DLG2: variants seen among roughly 807,000 people sequenced by gnomAD.
The protein encoded by DLG2 is discs large MAGUK scaffold protein 2.
Under a neutral mutation model 132.5 loss-of-function variants are expected in DLG2, and 45 were observed. That is an observed-to-expected ratio of 0.34 (90% confidence interval 0.27 to 0.44). The LOEUF (loss-of-function observed/expected upper bound fraction) is 0.44. DLG2 is among the 20% of genes least tolerant of loss of function. The pLI, the probability that DLG2 is intolerant of heterozygous loss-of-function variation, is 1.00. For missense variants in DLG2, 1,045 were observed against 1,196.9 expected (o/e 0.87, Z 1.87); for synonymous variants, 424 against 419.6 (o/e 1.01, Z -0.13).
At chr11:83,867,700 TA>T in intron 16 of DLG2, among the ~76,000 whole-genome samples, 1 of 152,312 alleles carries the variant, frequency 6.6e-6, no homozygotes, top group Admixed American at 6.5e-5. Context: ...TTTGTTTATG[TA>T]TTTATTTATT....
chr11:85,446,787 T>C lies in DLG2; in HGVS notation c.40+151870A>G, dbSNP rs564241816. ...GTGACAACTCCAGTTTGAAGGGATA[T>C]AGTATATGTGTGTGTGTGTGTGTGT... On this transcript the variant is annotated intron_variant, in intron 3 of 27. Coordinates refer to ENST00000376104, the MANE Select transcript of DLG2 (RefSeq NM_001142699.3). Among the ~76,000 whole-genome samples the C allele has an allele frequency of 6.0e-5, 9 of 149,074 alleles. No individual in the cohort carries two copies. The East Asian group carries it at 1.2e-3, about 19-fold the overall frequency.
chr11:85,343,813 G>A (rs926646855), intron 3 of DLG2, among the ~76,000 whole-genome samples: 6 of 152,182 alleles, frequency 3.9e-5, no homozygotes, highest in African/African-American at 1.2e-4. Context: ...TGATTATACA[G>A]TGTAAATGTT....
At chr11:85,177,491 A>G (rs1403549851) in intron 4 of DLG2, among the ~76,000 whole-genome samples, 1 of 152,030 alleles carries the variant, frequency 6.6e-6, no homozygotes, top group Non-Finnish European at 1.5e-5. Flanking sequence ...GGACACATGC[A>G]GGGGAACAAC....
At chr11:84,480,832 G>A (rs749361238) in intron 7 of DLG2, among the ~76,000 whole-genome samples, 9 of 148,122 alleles carry the variant, frequency 6.1e-5, no homozygotes, top group Non-Finnish European at 8.9e-5. Context: ...CTCACCTCCC[G>A]GGTTCAAGCG....
chr11:84,817,784 T>C (rs977507859), intron 6 of DLG2, among the ~76,000 whole-genome samples: 1 of 151,976 alleles, frequency 6.6e-6, no homozygotes, highest in Non-Finnish European at 1.5e-5. Context: ...AATCATCTCC[T>C]GCTTAGATGG....
intron 9 of DLG2, among the ~76,000 whole-genome samples, chr11:84,100,944 T>C (rs2092468401): frequency 6.6e-6 from 1 of 152,160 alleles, no homozygotes; most frequent in Non-Finnish European, 1.5e-5. Context: ...ATAATTCAGC[T>C]ATGGCAACTA....
intron 21 of DLG2, among the ~76,000 whole-genome samples, chr11:83,514,798 T>C (rs2095225228): frequency 6.6e-6 from 1 of 152,208 alleles, no homozygotes; most frequent in African/African-American, 2.4e-5. Flanking sequence ...CATGTGGTTT[T>C]TGTCATTGGT....
At chr11:84,308,953 C>T in intron 7 of DLG2, among the ~76,000 whole-genome samples, 1 of 152,212 alleles carries the variant, frequency 6.6e-6, no homozygotes. Flanking sequence ...GGAGCCGGCT[C>T]CGGCCTTGGC....
At chr11:84,641,620 T>C (rs1042436200) in intron 6 of DLG2, among the ~76,000 whole-genome samples, 26 of 152,148 alleles carry the variant, frequency 1.7e-4, no homozygotes, top group Non-Finnish European at 3.2e-4. Flanking sequence ...TTCGCTTCAG[T>C]GAGGCAGCGT....
intron 3 of DLG2, among the ~76,000 whole-genome samples, chr11:85,392,723 G>C (rs915175909): frequency 6.6e-6 from 1 of 152,106 alleles, no homozygotes; most frequent in Non-Finnish European, 1.5e-5. Flanking sequence ...AGTGGGAAAA[G>C]GACACCCTAT....
chr11:85,377,902 CAT>C (rs531740850), intron 3 of DLG2, among the ~76,000 whole-genome samples: 1 of 149,782 alleles, frequency 6.7e-6, no homozygotes, highest in Non-Finnish European at 1.5e-5. Flanking sequence ...CACACACATA[CAT>C]ATATATATAC....
chr11:84,520,817 C>T (rs2099296052), intron 7 of DLG2, among the ~76,000 whole-genome samples: 1 of 152,080 alleles, frequency 6.6e-6, no homozygotes, highest in South Asian at 2.1e-4. Context: ...GGATAACCTC[C>T]TTAATCTTAA....
intron 3 of DLG2, among the ~76,000 whole-genome samples, chr11:85,304,781 A>AT (rs2079831319): frequency 6.6e-6 from 1 of 152,232 alleles, no homozygotes; most frequent in South Asian, 2.1e-4. Context: ...ATCTGACAAC[A>AT]TGGAAGTCAT....
At chr11:83,884,237 C>A (rs1379539413) in intron 15 of DLG2, among the ~76,000 whole-genome samples, 2 of 152,172 alleles carry the variant, frequency 1.3e-5, no homozygotes, top group Non-Finnish European at 2.9e-5. Flanking sequence ...GTCACTCCCA[C>A]CCTAATACTG....
At chr11:85,610,110 C>T (rs556227565) in intron 2 of DLG2, among the ~76,000 whole-genome samples, 8 of 151,660 alleles carry the variant, frequency 5.3e-5, no homozygotes, top group Non-Finnish European at 7.4e-5. Context: ...AAAAAATGCC[C>T]GCCCAGTCCA....
intron 7 of DLG2, among the ~76,000 whole-genome samples, chr11:84,304,495 G>A (rs1252477771): frequency 2.6e-5 from 4 of 152,170 alleles, no homozygotes; most frequent in African/African-American, 4.8e-5. Context: ...ATGGAAAGCC[G>A]ATAACCTAGC....
intron 5 of DLG2, among the ~76,000 whole-genome samples, chr11:85,131,022 T>G (rs913924875): frequency 6.6e-6 from 1 of 152,014 alleles, no homozygotes; most frequent in African/African-American, 2.4e-5. Context: ...TGAAATTTCA[T>G]GTGGGTCTGT....
chr11:83,817,798 C>G (rs942582231), intron 17 of DLG2, among the ~76,000 whole-genome samples: 2 of 152,102 alleles, frequency 1.3e-5, no homozygotes, highest in African/African-American at 4.8e-5. Flanking sequence ...ATTGCGTGAG[C>G]CCAGGAGCTC....
At chr11:83,711,773 C>A (rs2085480419) in intron 18 of DLG2, among the ~76,000 whole-genome samples, 1 of 152,158 alleles carries the variant, frequency 6.6e-6, no homozygotes, top group Admixed American at 6.6e-5. Context: ...CTAATCAAAG[C>A]ATGCTCCATG....
Sources: gnomAD v4.1 joint callset for allele counts (sites outside exome capture counted in the v4.1 genomes callset) on GRCh38, gnomAD v4.1.1 for gene constraint, MANE v1.5 for transcripts, NCBI Gene and HGNC (gene_info 2026-07-23, HGNC 2026-07-21) for gene names.